Variants in GRIK1 observed in about 807,000 individuals in gnomAD.
The protein encoded by GRIK1 is glutamate ionotropic receptor kainate type subunit 1, also known as glutamate receptor ionotropic, kainate 1.
GRIK1 carries 69 observed loss-of-function variants against 105.7 expected under a neutral mutation model. The observed-to-expected ratio is 0.65, with a 90% CI of 0.54 to 0.80. The LOEUF is 0.80. GRIK1 is among the 30% of genes least tolerant of loss of function. The pLI, the probability that GRIK1 is intolerant of heterozygous loss-of-function variation, is 0.00. For synonymous variants in GRIK1, 438 were observed against 431.3 expected (o/e 1.02, Z -0.19); for missense variants, 1,109 against 1,167.3 (o/e 0.95, Z 0.73).
At chr21:29,868,644 A>G (rs987738160) in intron 1 of GRIK1, among the ~76,000 whole-genome samples, 5 of 151,954 alleles carry the variant, frequency 3.3e-5, no homozygotes, top group Non-Finnish European at 7.4e-5. Flanking sequence ...CAGCCCTCCT[A>G]TCTCTTTCCT....
intron 1 of GRIK1, among the ~76,000 whole-genome samples, chr21:29,756,305 G>A (rs141046451): frequency 0.022 from 3,312 of 152,022 alleles, 41 homozygotes; most frequent in Middle Eastern, 0.048. Context: ...GGCGTGAACC[G>A]GGGAGGCAGA....
intron 1 of GRIK1, among the ~76,000 whole-genome samples, chr21:29,921,386 C>T (rs985581187): frequency 6.6e-6 from 1 of 152,104 alleles, no homozygotes; most frequent in African/African-American, 2.4e-5. Flanking sequence ...GCAAGGCCCA[C>T]TAAGATTATT....
chr21:29,615,747 T>C (rs994668255), intron 7 of GRIK1, among the ~76,000 whole-genome samples: 1 of 152,180 alleles, frequency 6.6e-6, no homozygotes, highest in African/African-American at 2.4e-5. Flanking sequence ...TAATCAGAAA[T>C]TATTTTGAAA....
chr21:29,707,655 C>G (rs2063950890), intron 1 of GRIK1, among the ~76,000 whole-genome samples: 1 of 151,688 alleles, frequency 6.6e-6, no homozygotes, highest in African/African-American at 2.4e-5. Context: ...GCCACCACAC[C>G]CAGCTAATTT....
At chr21:29,792,640 T>G (rs1057038790) in intron 1 of GRIK1, among the ~76,000 whole-genome samples, 5 of 152,206 alleles carry the variant, frequency 3.3e-5, no homozygotes, top group African/African-American at 1.2e-4. Context: ...CCACTATGGT[T>G]AATTAAATAT....
At chr21:29,888,428 C>A (rs907843289) in intron 1 of GRIK1, among the ~76,000 whole-genome samples, 1 of 150,982 alleles carries the variant, frequency 6.6e-6, no homozygotes, top group Non-Finnish European at 1.5e-5. Flanking sequence ...CCATGCCCAG[C>A]TAATTTTTGT....
At chr21:29,716,386 G>C (rs1316558657) in intron 1 of GRIK1, among the ~76,000 whole-genome samples, 1 of 152,158 alleles carries the variant, frequency 6.6e-6, no homozygotes, top group Non-Finnish European at 1.5e-5. Context: ...GAAAACAACA[G>C]GAAAATGTAG....
intron 7 of GRIK1, among the ~76,000 whole-genome samples, chr21:29,606,775 A>ACT (rs2061629440): frequency 6.8e-6 from 1 of 148,010 alleles, no homozygotes; most frequent in Non-Finnish European, 1.5e-5. Flanking sequence ...ACTTCTGCTG[A>ACT]CTCTCTGTCT....
intron 1 of GRIK1, among the ~76,000 whole-genome samples, chr21:29,802,445 A>G (rs757722729): frequency 3.5e-4 from 53 of 151,932 alleles, no homozygotes; most frequent in Non-Finnish European, 6.8e-4. Context: ...CACCTCCAAC[A>G]CACAGTAGAA....
chr21:29,724,820 A>G (rs2064412910), intron 1 of GRIK1, among the ~76,000 whole-genome samples: 1 of 152,052 alleles, frequency 6.6e-6, no homozygotes, highest in South Asian at 2.1e-4. Context: ...GCTTTGTGGG[A>G]GCATGTAATC....
intron 1 of GRIK1, among the ~76,000 whole-genome samples, chr21:29,822,480 ATT>A (rs1339591545): frequency 6.6e-6 from 1 of 152,024 alleles, no homozygotes; most frequent in South Asian, 2.1e-4. Flanking sequence ...AAAACCCATA[ATT>A]TTTTAGATGG....
rs577058797 is a variant in GRIK1, at chr21:29,927,387, T to C, written c.118+11996A>G. Among the ~76,000 whole-genome samples the C allele has an allele frequency of 2.0e-5, 3 of 150,498 alleles. No homozygotes were observed. In the Admixed American group the frequency reaches 2.0e-4, roughly 10 times the overall value. On this transcript the variant is annotated intron_variant, in intron 1 of 17. Transcript: ENST00000327783. ...CTATATATGTATTTGTATATAGTTA[T>C]ATGTGAATTTATGTATACTATGTAG...
At chr21:29,771,844 C>T (rs759388995) in intron 1 of GRIK1, among the ~76,000 whole-genome samples, 2 of 152,184 alleles carry the variant, frequency 1.3e-5, no homozygotes, top group Non-Finnish European at 2.9e-5. Flanking sequence ...ACTCTGGGAG[C>T]TCCTCCCACT....
At chr21:29,556,228 A>T (rs2090252083) in intron 15 of GRIK1, among the ~76,000 whole-genome samples, 1 of 152,222 alleles carries the variant, frequency 6.6e-6, no homozygotes, top group Non-Finnish European at 1.5e-5. Context: ...TGTCAGGATC[A>T]TCTTCATAAA....
Position 29,757,467 on chromosome 21 carries a change from T to C in GRIK1, c.119-63404A>G, listed in dbSNP as rs1054626682. ...TTCTGTGAATAAAAGATGTTTGTTT[T>C]ACTAAATCTGCCAATTTAATTAACT... is the stretch of plus-strand genomic sequence containing the variant. On this transcript the variant is annotated intron_variant, in intron 1 of 17. Coordinates refer to ENST00000327783, the MANE Select transcript of GRIK1 (RefSeq NM_001330994.2). 3.9e-5 allele frequency among the ~76,000 whole-genome samples: 6 copies of C among 152,386 alleles called. No homozygotes were observed. The South Asian group carries it at 1.0e-3, about 26-fold the overall frequency.
chr21:29,570,748 T>C (rs1416288511), intron 14 of GRIK1, among the ~76,000 whole-genome samples: 2 of 152,022 alleles, frequency 1.3e-5, no homozygotes, highest in Non-Finnish European at 1.5e-5. Context: ...GTATTTCCCA[T>C]AGTGATTGAA....
chr21:29,802,868 T>C (rs947488765), intron 1 of GRIK1, among the ~76,000 whole-genome samples: 4 of 152,198 alleles, frequency 2.6e-5, no homozygotes, highest in Non-Finnish European at 4.4e-5. Context: ...TAGTATGCTA[T>C]ATGACTCACA....
intron 16 of GRIK1, among the ~76,000 whole-genome samples, chr21:29,541,201 C>T (rs1199534183): frequency 6.6e-6 from 1 of 152,206 alleles, no homozygotes; most frequent in African/African-American, 2.4e-5. Context: ...CTCCTGACCT[C>T]ATGATCCACC....
chr21:29,577,568 A>G (rs1041944760), intron 13 of GRIK1, among the ~76,000 whole-genome samples: 2 of 152,216 alleles, frequency 1.3e-5, no homozygotes, highest in African/African-American at 4.8e-5. Flanking sequence ...AACTATGAAA[A>G]TATTTGAAAT....
Sources: gnomAD v4.1 joint callset for allele counts (sites outside exome capture counted in the v4.1 genomes callset) on GRCh38, gnomAD v4.1.1 for gene constraint, MANE v1.5 for transcripts, NCBI Gene and HGNC (gene_info 2026-07-23, HGNC 2026-07-21) for gene names.